Variants in EYS observed in about 807,000 individuals in gnomAD.
EYS encodes EGF-like photoreceptor maintenance factor.
EYS carries 250 observed loss-of-function variants against 282.1 expected under a neutral mutation model. The ratio of observed to expected loss-of-function variants is 0.89; its 90% CI spans 0.80 to 0.98. EYS has a LOEUF of 0.98. EYS is among the 50% of genes least tolerant of loss of function. The probability of loss-of-function intolerance (pLI) is 0.00; values close to 1 mark genes in which losing one functional copy is unlikely to be tolerated. For synonymous variants in EYS, 1,355 were observed against 1,282.9 expected, an observed-to-expected ratio of 1.06 and a Z score of -1.20; for missense variants, 4,016 against 3,709.0, an observed-to-expected ratio of 1.08 and a Z score of -2.15.
At position 63,956,173 on chromosome 6, in the gene EYS, G is replaced by C. The variant is rs372318484; in HGVS notation, c.7055+28210C>G. On this transcript the variant is annotated intron_variant, in intron 35 of 42. Coordinates refer to ENST00000503581, the MANE Select transcript of EYS (RefSeq NM_001142800.2). ...GAAGACAGGAATGTCAGGCCTCTGA[G>C]CCCAAGCCTGCATGTGTACATCCAG... Among the ~76,000 whole-genome samples, 22 of 152,186 alleles carry C rather than the reference G, an allele frequency of 1.4e-4. 1 individual carries two copies. In the East Asian group the frequency reaches 3.7e-3, roughly 25 times the overall value.
chr6:64,557,213 CACAT>C (rs1416435080), intron 26 of EYS, among the ~76,000 whole-genome samples: 4 of 58,168 alleles, frequency 6.9e-5, no homozygotes, highest in African/African-American at 3.2e-4. Flanking sequence ...TACACACACA[CACAT>C]ACACACACAC....
intron 31 of EYS, among the ~76,000 whole-genome samples, chr6:64,163,069 T>C (rs557447632): frequency 1.6e-4 from 25 of 152,222 alleles, no homozygotes; most frequent in Non-Finnish European, 2.9e-4. Context: ...CAAGAAATAT[T>C]GTTTTGTGTC....
intron 35 of EYS, among the ~76,000 whole-genome samples, chr6:63,912,838 T>C (rs1225386119): frequency 6.7e-6 from 1 of 149,168 alleles, no homozygotes; most frequent in African/African-American, 2.5e-5. Context: ...TTTGGAAGCT[T>C]CCTGAGGCCT....
intron 22 of EYS, among the ~76,000 whole-genome samples, chr6:64,661,460 A>T (rs1290466459): frequency 6.6e-6 from 1 of 152,130 alleles, no homozygotes; most frequent in Non-Finnish European, 1.5e-5. Flanking sequence ...AACCTACAGA[A>T]TGGGAGAAAA....
At chr6:65,587,917 T>C (rs1400221902) in intron 2 of EYS, among the ~76,000 whole-genome samples, 1 of 152,118 alleles carries the variant, frequency 6.6e-6, no homozygotes, top group East Asian at 1.9e-4. Flanking sequence ...ACTACGCTTT[T>C]ATTATCAAAG....
At chr6:64,873,577 T>G (rs938231426) in intron 19 of EYS, among the ~76,000 whole-genome samples, 1 of 152,064 alleles carries the variant, frequency 6.6e-6, no homozygotes, top group Non-Finnish European at 1.5e-5. Flanking sequence ...AGGGTACAAA[T>G]TTTTAATTAG....
chr6:65,551,048 A>ACAAACAGAGAGC lies in EYS; in HGVS notation c.-332-55056_-332-55055insGCTCTCTGTTTG, dbSNP rs1554209786. 3.5e-5 allele frequency among the ~76,000 whole-genome samples: 2 copies of ACAAACAGAGAGC among 56,410 alleles called. 1 individual carries two copies. The highest frequency in any genetic ancestry group is 5.6e-5 in the Non-Finnish European group (2 of 35,606). The allele number at this position is 56,410 out of a possible 152,430, so 37.0% of individuals were successfully genotyped here. Reference sequence around the variant, plus strand: ...TTGCCATTCTAACTGGTGTGAGATGACAAATCATGGGTGAACTCCCATTCA... The same window carrying ACAAACAGAGAGC: ...TTGCCATTCTAACTGGTGTGAGATGACAAACAGAGAGCCAAATCATGGGTGAACTCCCATTCA... On this transcript the variant is annotated intron_variant, in intron 2 of 42. Coordinates refer to ENST00000503581, the MANE Select transcript of EYS (RefSeq NM_001142800.2).
At chr6:65,558,587 A>C (rs1389755683) in intron 2 of EYS, among the ~76,000 whole-genome samples, 1 of 152,338 alleles carries the variant, frequency 6.6e-6, no homozygotes, top group Non-Finnish European at 1.5e-5. Context: ...AGCCTCCTCC[A>C]CTGCAGCTGG....
chr6:65,097,377 T>A (rs1774769226), intron 12 of EYS, among the ~76,000 whole-genome samples: 1 of 146,282 alleles, frequency 6.8e-6, no homozygotes, highest in Non-Finnish European at 1.6e-5. Flanking sequence ...GAAATTGGAA[T>A]CTTCATATAC....
intron 29 of EYS, among the ~76,000 whole-genome samples, chr6:64,333,066 C>G (rs1375861577): frequency 1.3e-5 from 2 of 152,116 alleles, no homozygotes; most frequent in African/African-American, 4.8e-5. Context: ...CTCTGTTATA[C>G]CAGACCTACT....
At chr6:65,535,457 C>T (rs563208044) in intron 2 of EYS, among the ~76,000 whole-genome samples, 1 of 152,140 alleles carries the variant, frequency 6.6e-6, no homozygotes, top group African/African-American at 2.4e-5. Flanking sequence ...TTGCCTGCTG[C>T]CATGTAAGAT....
chr6:64,728,050 G>A (rs536631254), intron 22 of EYS, among the ~76,000 whole-genome samples: 3 of 152,252 alleles, frequency 2.0e-5, no homozygotes, highest in East Asian at 1.9e-4. Flanking sequence ...GGGCGGCAGG[G>A]GTGGACTCCC....
chr6:64,656,095 G>A (rs940947158), intron 22 of EYS, among the ~76,000 whole-genome samples: 9 of 152,012 alleles, frequency 5.9e-5, no homozygotes, highest in African/African-American at 2.2e-4. Context: ...TACCTATTAT[G>A]TTATGAGGTA....
intron 28 of EYS, among the ~76,000 whole-genome samples, chr6:64,418,610 T>C (rs904712709): frequency 9.9e-5 from 15 of 152,224 alleles, no homozygotes; most frequent in African/African-American, 3.4e-4. Flanking sequence ...GAAACTCTCA[T>C]TGACTGAAAT....
At chr6:64,417,963 C>T (rs1010395733) in intron 28 of EYS, among the ~76,000 whole-genome samples, 7 of 152,140 alleles carry the variant, frequency 4.6e-5, no homozygotes, top group East Asian at 3.9e-4. Flanking sequence ...CGAGCCACTG[C>T]GCCTGGCCTA....
intron 32 of EYS, among the ~76,000 whole-genome samples, chr6:64,079,075 T>A (rs991453601): frequency 6.6e-6 from 1 of 152,122 alleles, no homozygotes; most frequent in African/African-American, 2.4e-5. Context: ...TTCTTTGTCT[T>A]TCGATTATTA....
chr6:64,838,113 A>G (rs1238709163), intron 19 of EYS, among the ~76,000 whole-genome samples: 1 of 151,866 alleles, frequency 6.6e-6, no homozygotes, highest in Non-Finnish European at 1.5e-5. Context: ...CTTTTGTTCA[A>G]ACACATTGAT....
intron 32 of EYS, among the ~76,000 whole-genome samples, chr6:64,073,453 C>T (rs1324758326): frequency 6.6e-6 from 1 of 151,650 alleles, no homozygotes; most frequent in East Asian, 1.9e-4. Context: ...TAGAGAAAAG[C>T]TATGAATAAA....
At chr6:64,009,620 C>T (rs1331479210) in intron 33 of EYS, among the ~76,000 whole-genome samples, 1 of 152,124 alleles carries the variant, frequency 6.6e-6, no homozygotes, top group Non-Finnish European at 1.5e-5. Context: ...TTTCATCTTT[C>T]ATCTCCTGTA....
Sources: allele counts gnomAD v4.1 joint callset (sites outside exome capture counted in the v4.1 genomes callset), GRCh38; gene constraint gnomAD v4.1.1; transcripts MANE v1.5; gene names NCBI Gene and HGNC (gene_info 2026-07-23, HGNC 2026-07-21).